The following CERT1 variants were observed in gnomAD, a reference collection of about 807,000 sequenced individuals.
The protein encoded by CERT1 is ceramide transporter 1, also known as ceramide transfer protein.
A neutral mutation model predicts 87.9 loss-of-function variants in CERT1; 31 were observed. That is an observed-to-expected ratio of 0.35 (90% CI 0.27 to 0.48). The LOEUF (loss-of-function observed/expected upper bound fraction) is 0.48, where lower values mean the gene tolerates loss of function less well. Ranked by LOEUF, CERT1 falls within the 20% of genes least tolerant of loss-of-function variation. The pLI, the probability that CERT1 is intolerant of heterozygous loss-of-function variation, is 0.99. For missense variants in CERT1, 487 were observed against 758.0 expected, an observed-to-expected ratio of 0.64 and a Z score of 4.20; for synonymous variants, 289 against 250.9, an observed-to-expected ratio of 1.15 and a Z score of -1.44.
chr5:75,387,742 C>CA (rs1201755360), intron 12 of CERT1, among the ~76,000 whole-genome samples: 5 of 137,920 alleles, frequency 3.6e-5, no homozygotes, highest in East Asian at 2.1e-4. Context: ...AACTCTGTCT[C>CA]AAAAAAAAGA....
At chr5:75,511,677 C>G, upstream of CERT1, 1 of 1,527,258 alleles carries the variant, frequency 6.5e-7, no homozygotes, top group South Asian at 1.2e-5. Context: ...CTCCCATTCT[C>G]CCCCACTACT....
chr5:75,425,561 C>T (rs1219828783), intron 4 of CERT1, 62 bp from the exon 5 acceptor site: 6 of 1,539,540 alleles, frequency 3.9e-6, no homozygotes, highest in South Asian at 2.4e-5. Flanking sequence ...TCATGTGGTC[C>T]TATGGTATTT....
At chr5:75,416,469 A>G (rs1763139203) in intron 7 of CERT1, among the ~76,000 whole-genome samples, 2 of 152,206 alleles carry the variant, frequency 1.3e-5, no homozygotes, top group Admixed American at 6.5e-5. Flanking sequence ...ATCACTGACC[A>G]TGGAAAAAAT....
chr5:75,411,603 C>T (rs1189054641), intron 7 of CERT1, among the ~76,000 whole-genome samples: 2 of 152,158 alleles, frequency 1.3e-5, no homozygotes, highest in Non-Finnish European at 2.9e-5. Context: ...TGAGCCACTG[C>T]ACCCGGCCAC....
rs1027041478 is a variant in CERT1, at chr5:75,402,735, A to C, written c.1017+237T>G. ...GAATCGCTTGAACCCAGGAGGTGGA[A>C]GTTGCAGTAAGCCGAGATCGCGCCA... On this transcript the variant is annotated intron_variant, in intron 9 of 16. Coordinates refer to ENST00000643780, the MANE Select transcript of CERT1 (RefSeq NM_001379029.1). 4 of 271,152 alleles carry C rather than the reference A, an allele frequency of 1.5e-5. No individual in the cohort carries two copies. The East Asian group carries it at 3.1e-4, about 21-fold the overall frequency. 16.8% of individuals were successfully genotyped at this position (271,152 alleles called of 1,614,324 possible). A position where few individuals can be genotyped will look rare whatever the true frequency, so the allele number is the denominator to read the frequency against.
In CERT1 at chr5:75,384,594, G is replaced by A. The variant is rs189594226; in HGVS notation, c.1488+48C>T. ...TACTTTAGAGAATCTATATGTCTGAGTTTGAACTACATTGAAATCCTTTTA... is the reference window on the plus strand; with the variant it reads ...TACTTTAGAGAATCTATATGTCTGAATTTGAACTACATTGAAATCCTTTTA... On this transcript the variant is annotated intron_variant, in intron 14 of 16. Coordinates refer to ENST00000643780, the MANE Select transcript of CERT1 (RefSeq NM_001379029.1). The A allele has an allele frequency of 5.9e-6, 8 of 1,344,966 alleles. No individual in the cohort carries two copies. In the African/African-American group the frequency reaches 1.0e-4, roughly 17 times the overall value. 83.3% of individuals were successfully genotyped at this position (1,344,966 alleles called of 1,614,324 possible).
chr5:75,416,867 T>C lies in CERT1; in HGVS notation c.837+9A>G, dbSNP rs768186172. 6.4e-7 allele frequency: 1 copy of C among 1,574,116 alleles called. No individual in the cohort carries two copies. Among genetic ancestry groups the C allele is most frequent in the Admixed American group, 2.0e-5 (1 of 48,934 alleles). Reference sequence around the variant, plus strand: ...GATTATTTTTAAAAGGAAAAAAACCTAGTCTTACCTTATCCAGTCTCTTCT... The same window carrying C: ...GATTATTTTTAAAAGGAAAAAAACCCAGTCTTACCTTATCCAGTCTCTTCT... On this transcript the variant is annotated intron_variant, in intron 7 of 16. Transcript: ENST00000643780.
At chr5:75,431,608 T>A (rs1267356977) in intron 3 of CERT1, among the ~76,000 whole-genome samples, 3 of 152,198 alleles carry the variant, frequency 2.0e-5, no homozygotes, top group Admixed American at 2.0e-4. Context: ...ATAAGCTCCA[T>A]GATTTGGCCC....
chr5:75,454,974 C>T (rs1407491143), intron 3 of CERT1, among the ~76,000 whole-genome samples: 1 of 152,136 alleles, frequency 6.6e-6, no homozygotes, highest in African/African-American at 2.4e-5. Context: ...AGAAGAAGTT[C>T]CAAAGCACTT....
rs1019061924 is a variant in CERT1 at position 75,381,998 on chromosome 5, G to C, written c.1568C>G (p.Pro523Arg). ...AAAATTACAAACTATCCAAGTTTCA[G>C]GGTCATTTTCAGTCAAGGCTGGTAT... ...RKIPALTENDPETWIVCNFSV... is the reference protein window; with the variant it reads ...RKIPALTENDRETWIVCNFSV... Residue 523 changes from proline (P) to arginine (R), a missense_variant, in exon 15 of 17, where the codon CCT becomes CGT. By Grantham distance (103) the Pro-to-Arg change is moderately radical (BLOSUM62 -2). This residue lies in a region of CERT1 where 147 missense variants were observed against 200.8 expected (regional missense o/e 0.73). Transcript: ENST00000643780. 6.2e-7 allele frequency: 1 copy of C among 1,613,860 alleles called. No homozygotes were observed. Among genetic ancestry groups the C allele is most frequent in the South Asian group, 1.1e-5 (1 of 91,062 alleles).
At chr5:75,411,176 T>G (rs979149033) in intron 7 of CERT1, 73 bp from the exon 8 acceptor site, 18 of 775,384 alleles carry the variant, frequency 2.3e-5, no homozygotes, top group Non-Finnish European at 3.8e-5. Context: ...TTAGGTGGAA[T>G]TCCTCTACAT....
At chr5:75,394,851 A>G (rs962574564) in intron 11 of CERT1, among the ~76,000 whole-genome samples, 5 of 152,270 alleles carry the variant, frequency 3.3e-5, no homozygotes, top group African/African-American at 9.6e-5. Flanking sequence ...AAAGATGCAT[A>G]TACAAGGATT....
At chr5:75,375,038 C>A, downstream of CERT1, 1 of 196,044 alleles carries the variant, frequency 5.1e-6, no homozygotes, top group Non-Finnish European at 1.0e-5. Flanking sequence ...TCACAATTTG[C>A]ATAGTTGTGT....
chr5:75,463,316 T>A (rs1169136653), intron 2 of CERT1, among the ~76,000 whole-genome samples: 1 of 152,188 alleles, frequency 6.6e-6, no homozygotes, highest in African/African-American at 2.4e-5. Context: ...AAGATTTTTG[T>A]CCATTAGAAT....
intron 2 of CERT1, among the ~76,000 whole-genome samples, chr5:75,491,609 T>C (rs765496348): frequency 6.6e-6 from 1 of 152,166 alleles, no homozygotes; most frequent in Non-Finnish European, 1.5e-5. Context: ...TTGGTCTAAT[T>C]TTCCTTGCCA....
chr5:75,478,326 A>G (rs932278802), intron 2 of CERT1, among the ~76,000 whole-genome samples: 1 of 151,846 alleles, frequency 6.6e-6, no homozygotes, highest in Admixed American at 6.6e-5. Context: ...AAAAAAAAAT[A>G]AAAAAAAGAA....
chr5:75,418,541 C>T (rs1438668104), intron 6 of CERT1, among the ~76,000 whole-genome samples: 1 of 152,134 alleles, frequency 6.6e-6, no homozygotes, highest in Non-Finnish European at 1.5e-5. Flanking sequence ...TATATGAATG[C>T]TCATAGCAGT....
intron 1 of CERT1, 96 bp from the exon 2 acceptor site, chr5:75,506,212 C>A: frequency 8.4e-7 from 1 of 1,193,270 alleles, no homozygotes; most frequent in Non-Finnish European, 1.2e-6. Context: ...AATTTTAAAA[C>A]CAAAACGTGA....
At chr5:75,411,156 A>G (rs867492755) in intron 7 of CERT1, 53 bp from the exon 8 acceptor site, 1 of 1,013,302 alleles carries the variant, frequency 9.9e-7, no homozygotes, top group African/African-American at 1.6e-5. Flanking sequence ...TTTAATTACA[A>G]TGAAGTCTTT....
Sources: allele counts gnomAD v4.1 joint callset (sites outside exome capture counted in the v4.1 genomes callset), GRCh38; gene constraint gnomAD v4.1.1; regional missense constraint gnomAD v4.1.1; transcripts MANE v1.5; gene names NCBI Gene and HGNC (gene_info 2026-07-23, HGNC 2026-07-21).